QTMAN: variants seen among roughly 807,000 people sequenced by gnomAD.
The protein encoded by QTMAN is queuosine-tRNA mannosyltransferase, also known as tRNA-queuosine alpha-mannosyltransferase.
At chr2:144,133,446 TATAA>T in the QTMAN span, among the ~76,000 whole-genome samples, 1 of 45,296 alleles carries the variant, frequency 2.2e-5, no homozygotes, top group African/African-American at 1.0e-4. Flanking sequence ...ATATATAATA[TATAA>T]TATATAATAT....
the QTMAN span, among the ~76,000 whole-genome samples, chr2:144,010,249 G>A: frequency 6.6e-6 from 1 of 152,038 alleles, no homozygotes; most frequent in Non-Finnish European, 1.5e-5. Context: ...ATTGGTAACT[G>A]ACAAGGAATT....
At chr2:144,031,740 G>A in the QTMAN span, among the ~76,000 whole-genome samples, 1 of 152,068 alleles carries the variant, frequency 6.6e-6, no homozygotes. Context: ...TATGCTCTTA[G>A]GGGGTATGAT....
chr2:144,103,238 C>A, the QTMAN span, among the ~76,000 whole-genome samples: 1 of 152,164 alleles, frequency 6.6e-6, no homozygotes, highest in African/African-American at 2.4e-5. Context: ...TAACTGGCTG[C>A]CATTTTGTTA....
the QTMAN span, among the ~76,000 whole-genome samples, chr2:144,300,981 T>C: frequency 3.9e-5 from 6 of 152,198 alleles, no homozygotes; most frequent in African/African-American, 9.7e-5. Flanking sequence ...CTTTCAATTA[T>C]ATAGCATTTA....
chr2:144,187,452 G>A, the QTMAN span, among the ~76,000 whole-genome samples: 1 of 152,106 alleles, frequency 6.6e-6, no homozygotes, highest in African/African-American at 2.4e-5. Flanking sequence ...AGCTACTCAT[G>A]AGCCATCCAG....
At chr2:143,999,596 T>C in the QTMAN span, among the ~76,000 whole-genome samples, 8 of 152,026 alleles carry the variant, frequency 5.3e-5, no homozygotes, top group African/African-American at 1.9e-4. Context: ...AATCCACCTA[T>C]CCACCTGTCC....
At chr2:144,092,116 C>G in the QTMAN span, among the ~76,000 whole-genome samples, 1 of 151,642 alleles carries the variant, frequency 6.6e-6, no homozygotes, top group Non-Finnish European at 1.5e-5. Context: ...TGTTCATTAT[C>G]TTGTCTGTGG....
the QTMAN span, among the ~76,000 whole-genome samples, chr2:144,239,804 G>A: frequency 6.6e-6 from 1 of 152,090 alleles, no homozygotes; most frequent in Non-Finnish European, 1.5e-5. Flanking sequence ...TTCATCTTCT[G>A]GGACCCAATT....
the QTMAN span, among the ~76,000 whole-genome samples, chr2:144,306,879 T>C: frequency 6.6e-6 from 1 of 152,066 alleles, no homozygotes; most frequent in Non-Finnish European, 1.5e-5. Context: ...AAAATACAAA[T>C]GGCTGGGCGC....
At chr2:144,262,382 A>G in the QTMAN span, among the ~76,000 whole-genome samples, 1 of 151,938 alleles carries the variant, frequency 6.6e-6, no homozygotes, top group East Asian at 1.9e-4. Context: ...ACATAGCAAA[A>G]CACTATCTCT....
chr2:144,304,510 T>TA, the QTMAN span, among the ~76,000 whole-genome samples: 1 of 152,042 alleles, frequency 6.6e-6, no homozygotes, highest in East Asian at 1.9e-4. Context: ...AATCAGTCAA[T>TA]AAAAAATAGA....
chr2:144,093,908 A>G, the QTMAN span, among the ~76,000 whole-genome samples: 1 of 152,214 alleles, frequency 6.6e-6, no homozygotes, highest in Non-Finnish European at 1.5e-5. Context: ...TAAGCAGGAT[A>G]TTATTTTAGA....
the QTMAN span, among the ~76,000 whole-genome samples, chr2:144,144,309 G>T: frequency 6.6e-6 from 1 of 151,772 alleles, no homozygotes; most frequent in African/African-American, 2.4e-5. Context: ...ATCCTTTTTG[G>T]TACATTTCCT....
At chr2:144,159,327 C>T in the QTMAN span, among the ~76,000 whole-genome samples, 7 of 152,036 alleles carry the variant, frequency 4.6e-5, no homozygotes, top group Admixed American at 1.3e-4. Context: ...AGTGTTAAAA[C>T]GGTCCCCCAT....
chr2:144,215,281 C>CA, the QTMAN span, among the ~76,000 whole-genome samples: 1 of 149,674 alleles, frequency 6.7e-6, no homozygotes, highest in Non-Finnish European at 1.5e-5. Flanking sequence ...TATACACACA[C>CA]ACACACACAC....
chr2:143,943,599 AAATAT>A, the QTMAN span: 2 of 152,234 alleles, frequency 1.3e-5, no homozygotes, highest in African/African-American at 2.4e-5. Flanking sequence ...TAAAAATATC[AAATAT>A]AATTAACACC....
At chr2:144,018,797 A>G in the QTMAN span, among the ~76,000 whole-genome samples, 3 of 152,288 alleles carry the variant, frequency 2.0e-5, no homozygotes, top group East Asian at 5.8e-4. Context: ...GGAACATATA[A>G]TGTGGTAGGT....
chr2:143,960,098 C>A, the QTMAN span, among the ~76,000 whole-genome samples: 2 of 152,204 alleles, frequency 1.3e-5, no homozygotes, highest in East Asian at 1.9e-4. Flanking sequence ...AAATATATAT[C>A]TTGATGTGGA....
chr2:144,090,818 CT>C, the QTMAN span, among the ~76,000 whole-genome samples: 1 of 151,656 alleles, frequency 6.6e-6, no homozygotes. Context: ...TCTCAGAGGG[CT>C]TTTTTTTCCC....
Sources: allele counts gnomAD v4.1 joint callset (sites outside exome capture counted in the v4.1 genomes callset), GRCh38; gene constraint gnomAD v4.1.1; transcripts MANE v1.5; gene names NCBI Gene and HGNC (gene_info 2026-07-23, HGNC 2026-07-21).